The following SLC6A12 variants were observed in gnomAD, a reference collection of about 807,000 sequenced individuals.
SLC6A12 encodes the protein sodium- and chloride-dependent betaine transporter.
In SLC6A12, 50 loss-of-function variants were observed where a neutral mutation model predicts 73.3. The observed-to-expected ratio is 0.68, with a 90% CI of 0.54 to 0.86. The LOEUF (loss-of-function observed/expected upper bound fraction) is 0.86. Among genes scored for constraint, SLC6A12 ranks in the 40% least tolerant of loss-of-function variants. SLC6A12 has a pLI of 0.00. For synonymous variants in SLC6A12, 304 were observed against 309.2 expected, an observed-to-expected ratio of 0.98 and a Z score of 0.18; for missense variants, 648 against 772.8, an observed-to-expected ratio of 0.84 and a Z score of 1.92.
At chr12:202,230 C>T (rs1164751160) in intron 5 of SLC6A12, among the ~76,000 whole-genome samples, 3 of 152,200 alleles carry the variant, frequency 2.0e-5, no homozygotes, top group African/African-American at 7.2e-5. Flanking sequence ...GCTTGGAATG[C>T]TGCCCCCATG....
intron 3 of SLC6A12, 198 bp downstream of exon 3, chr12:209,575 C>A: frequency 1.6e-6 from 1 of 616,314 alleles, no homozygotes; most frequent in Admixed American, 2.8e-5. Context: ...TCACCGTCAC[C>A]CTGGGAGGTA....
chr12:208,015 C>T (rs1030342896), intron 3 of SLC6A12, among the ~76,000 whole-genome samples: 3 of 152,186 alleles, frequency 2.0e-5, no homozygotes, highest in East Asian at 1.9e-4. Context: ...GCAGGGTGGG[C>T]GCCCGACACC....
intron 3 of SLC6A12, 52 bp downstream of exon 3, chr12:209,721 C>T (rs377384290): frequency 4.5e-4 from 728 of 1,602,588 alleles, no homozygotes; most frequent in Non-Finnish European, 6.1e-4. Context: ...AGGCACTGCC[C>T]AGCTGCCAGC....
intron 4 of SLC6A12, chr12:203,890 G>T (rs1940465008): frequency 6.6e-6 from 1 of 152,372 alleles, no homozygotes; most frequent in Non-Finnish European, 1.5e-5. Context: ...AGAGGGCGGG[G>T]AGGGCAGCCC....
At chr12:193,697 A>T (rs1266822129) in intron 13 of SLC6A12, among the ~76,000 whole-genome samples, 3 of 152,216 alleles carry the variant, frequency 2.0e-5, no homozygotes, top group African/African-American at 7.2e-5. Flanking sequence ...ATGGGGCTCA[A>T]TGGTTAGACA....
chr12:187,640 A>C (rs1312975136), downstream of SLC6A12, among the ~76,000 whole-genome samples: 3 of 140,360 alleles, frequency 2.1e-5, no homozygotes, highest in Non-Finnish European at 3.0e-5. Context: ...AACAAACCAC[A>C]CACACAGCAC....
intron 7 of SLC6A12, among the ~76,000 whole-genome samples, chr12:200,357 C>A (rs1940184147): frequency 1.3e-5 from 2 of 152,126 alleles, no homozygotes; most frequent in Non-Finnish European, 2.9e-5. Context: ...ATCCGCCAGC[C>A]TCGGCCTCCC....
At chr12:192,052 C>T (rs951724852) in intron 15 of SLC6A12, among the ~76,000 whole-genome samples, 2 of 152,184 alleles carry the variant, frequency 1.3e-5, no homozygotes, top group African/African-American at 2.4e-5. Context: ...CGTGTGTCCC[C>T]AGGCAGAGTT....
downstream of SLC6A12, among the ~76,000 whole-genome samples, chr12:188,320 G>T (rs1939475942): frequency 6.6e-6 from 1 of 152,170 alleles, no homozygotes; most frequent in Non-Finnish European, 1.5e-5. Flanking sequence ...TGGCCCAGGT[G>T]CTAAGCCCCT....
At chr12:204,205 A>G in intron 4 of SLC6A12, 1 of 256,214 alleles carries the variant, frequency 3.9e-6, no homozygotes, top group Non-Finnish European at 7.7e-6. Flanking sequence ...GCGGAGGCAC[A>G]GCACCCCGGG....
chr12:191,558 T>C (rs1939598706), intron 15 of SLC6A12, among the ~76,000 whole-genome samples: 2 of 151,118 alleles, frequency 1.3e-5, no homozygotes, highest in Admixed American at 1.3e-4. Flanking sequence ...GAGTAAGTGA[T>C]CAATAAATAT....
At chr12:189,504 C>G (rs1939507185), downstream of SLC6A12, among the ~76,000 whole-genome samples, 2 of 152,160 alleles carry the variant, frequency 1.3e-5, no homozygotes, top group South Asian at 2.1e-4. Context: ...ATAGGCCTGT[C>G]GAGGACGGAA....
At position 198,652 on chromosome 12, in the gene SLC6A12, T is replaced by C. The variant is rs1189991175; in HGVS notation, c.846+145A>G. 1.4e-6 allele frequency: 1 copy of C among 699,044 alleles called. No individual in the cohort carries two copies. Among genetic ancestry groups the C allele is most frequent in the Non-Finnish European group, 2.3e-6 (1 of 428,100 alleles). The allele number at this position is 699,044 out of a possible 1,614,324, so 43.3% of individuals were successfully genotyped here. On this transcript the variant is annotated intron_variant, in intron 8 of 15. Coordinates refer to ENST00000684302, the MANE Select transcript of SLC6A12 (RefSeq NM_001122848.3). The surrounding 1 kb of genome is among the most constrained non-coding windows in gnomAD (Gnocchi z 4.0). ...AGAGATTTTTTTAGTTTCTTTTTTA[T>C]AGCTTTCTTCCATATTTTCTAATTT...
At chr12:188,212 A>T (rs1939472553), downstream of SLC6A12, among the ~76,000 whole-genome samples, 1 of 152,054 alleles carries the variant, frequency 6.6e-6, no homozygotes, top group Admixed American at 6.5e-5. Flanking sequence ...GAGCCCATGG[A>T]GGGGGAGGGA....
At chr12:189,759 G>A (rs987534166), downstream of SLC6A12, among the ~76,000 whole-genome samples, 2 of 152,180 alleles carry the variant, frequency 1.3e-5, no homozygotes, top group African/African-American at 4.8e-5. Context: ...TGTGGGACTC[G>A]GTAGGGGTGT....
At chr12:186,000 G>A (rs1275621414), downstream of SLC6A12, among the ~76,000 whole-genome samples, 4 of 152,210 alleles carry the variant, frequency 2.6e-5, no homozygotes, top group Non-Finnish European at 4.4e-5. Flanking sequence ...TGCGAGCACG[G>A]AGGTGGCAGG....
At chr12:201,382 C>T (rs1021648431) in intron 6 of SLC6A12, 21 of 248,626 alleles carry the variant, frequency 8.4e-5, no homozygotes, top group Admixed American at 2.5e-4. Flanking sequence ...TGAGCACTCC[C>T]GCCTTGGGCA....
downstream of SLC6A12, among the ~76,000 whole-genome samples, chr12:187,589 CAAAAAAAAA>C (rs761187495): frequency 5.4e-4 from 57 of 106,024 alleles, no homozygotes; most frequent in East Asian, 2.1e-3. Context: ...TGCAAAAGAG[CAAAAAAAAA>C]AAAAAAAAAA....
chr12:210,346 C>T (rs927663152), intron 2 of SLC6A12: 16 of 1,136,772 alleles, frequency 1.4e-5, no homozygotes, highest in South Asian at 2.1e-5. Flanking sequence ...CTGTACAGCT[C>T]GCCACCATCC....
Sources: allele counts gnomAD v4.1 joint callset (sites outside exome capture counted in the v4.1 genomes callset), GRCh38; gene constraint gnomAD v4.1.1; non-coding constraint Gnocchi (gnomAD v3.1); transcripts MANE v1.5; gene names NCBI Gene and HGNC (gene_info 2026-07-23, HGNC 2026-07-21).